TESK2: variants seen among roughly 807,000 people sequenced by gnomAD.
TESK2 encodes dual specificity testis-specific protein kinase 2.
TESK2 carries 39 observed loss-of-function variants against 57.1 expected under a neutral mutation model. That is an observed-to-expected ratio of 0.68 (90% confidence interval 0.53 to 0.89). The LOEUF (loss-of-function observed/expected upper bound fraction) is 0.89, where lower values mean the gene tolerates loss of function less well. Among genes scored for constraint, TESK2 ranks in the 40% least tolerant of loss-of-function variants. TESK2 has a pLI of 0.00. For synonymous variants in TESK2, 249 were observed against 267.9 expected, an observed-to-expected ratio of 0.93 and a Z score of 0.69; for missense variants, 646 against 732.1, an observed-to-expected ratio of 0.88 and a Z score of 1.36.
chr1:45,409,036 A>G (rs560523573), intron 3 of TESK2, among the ~76,000 whole-genome samples: 267 of 152,314 alleles, frequency 1.8e-3, no homozygotes, highest in Non-Finnish European at 3.4e-3. Context: ...ACCCACCTTC[A>G]GTTCCTGAGC....
chr1:45,436,582 C>T (rs902833596), intron 2 of TESK2, among the ~76,000 whole-genome samples: 4 of 144,332 alleles, frequency 2.8e-5, no homozygotes, highest in African/African-American at 2.6e-5. Context: ...CTCCACCTTC[C>T]GGGTTCAAGC....
At chr1:45,379,219 G>A (rs1290360420) in intron 4 of TESK2, among the ~76,000 whole-genome samples, 1 of 152,182 alleles carries the variant, frequency 6.6e-6, no homozygotes, top group Non-Finnish European at 1.5e-5. Flanking sequence ...AGGCTGGGGT[G>A]CAGTGGCAGA....
At chr1:45,392,479 G>A (rs1649186170) in intron 3 of TESK2, among the ~76,000 whole-genome samples, 1 of 152,108 alleles carries the variant, frequency 6.6e-6, no homozygotes, top group Non-Finnish European at 1.5e-5. Context: ...GAAGCTGGCG[G>A]ATCACCTCAG....
chr1:45,434,662 A>T (rs1476146734), intron 2 of TESK2, among the ~76,000 whole-genome samples: 2 of 151,978 alleles, frequency 1.3e-5, no homozygotes, highest in Non-Finnish European at 2.9e-5. Context: ...GCCCATTTTT[A>T]AATGGGATTT....
At chr1:45,356,463 A>G (rs748451067) in intron 4 of TESK2, among the ~76,000 whole-genome samples, 2 of 152,046 alleles carry the variant, frequency 1.3e-5, no homozygotes, top group Non-Finnish European at 2.9e-5. Context: ...CTTAGTCTCT[A>G]CAAAAATAAA....
intron 2 of TESK2, among the ~76,000 whole-genome samples, chr1:45,433,669 T>A (rs1651073406): frequency 6.6e-6 from 1 of 152,190 alleles, no homozygotes; most frequent in Non-Finnish European, 1.5e-5. Context: ...CCACATTTTC[T>A]TTTTCCACTT....
chr1:45,350,409 GCTGTTT>G (rs760032337), intron 5 of TESK2, among the ~76,000 whole-genome samples: 49 of 152,192 alleles, frequency 3.2e-4, no homozygotes, highest in Non-Finnish European at 6.2e-4. Flanking sequence ...TCACTCTAAA[GCTGTTT>G]CTGCAACAAA....
chr1:45,477,841 C>A (rs757910812), intron 1 of TESK2, among the ~76,000 whole-genome samples: 17 of 152,180 alleles, frequency 1.1e-4, no homozygotes, highest in Non-Finnish European at 2.2e-4. Context: ...AATCATTATT[C>A]CCTACACTTA....
Position 45,457,789 on chromosome 1 carries a change from C to CTAT in TESK2, c.-5_-4insATA. 1 of 1,611,406 alleles carries CTAT rather than the reference C, an allele frequency of 6.2e-7. No individual in the cohort carries two copies. The highest frequency in any genetic ancestry group is 8.5e-7 in the Non-Finnish European group (1 of 1,177,834). On this transcript the variant is annotated 5_prime_UTR_variant, in exon 2 of 11. Transcript: ENST00000372086. ...AATTCCGTTTGCTCCGATCCATAGT[C>CTAT]TAAATAATCACTTTTTTCTTCTTTT...
chr1:45,375,777 T>C (rs1318394768), intron 4 of TESK2, among the ~76,000 whole-genome samples: 3 of 152,060 alleles, frequency 2.0e-5, no homozygotes, highest in Non-Finnish European at 4.4e-5. Context: ...AATTAAAACG[T>C]GGGACAGGGA....
chr1:45,441,501 T>C (rs1164615528), intron 2 of TESK2, among the ~76,000 whole-genome samples: 1 of 152,022 alleles, frequency 6.6e-6, no homozygotes, highest in East Asian at 1.9e-4. Flanking sequence ...AGAGACAGAC[T>C]CTTGCTATGT....
chr1:45,346,937 CTA>C, intron 8 of TESK2, 40 bp downstream of exon 8: 1 of 1,601,260 alleles, frequency 6.2e-7, no homozygotes, highest in Non-Finnish European at 8.6e-7. Flanking sequence ...TTGCTTCAAA[CTA>C]GCCCCATCAG....
In TESK2 at chr1:45,357,438, C is replaced by T. The variant is rs77161112; in HGVS notation, c.394-1989G>A. The stretch of plus-strand genomic sequence containing the variant: ...AGCAGTTTCAGTAAAGTGGTTAAGA[C>T]GAGTAAGACTGAAGTGAACAGAGGA... On this transcript the variant is annotated intron_variant, in intron 4 of 10. Coordinates refer to ENST00000372086, the MANE Select transcript of TESK2 (RefSeq NM_007170.3). Among the ~76,000 whole-genome samples the T allele has an allele frequency of 1.0e-3, 151 of 150,714 alleles. 2 individuals are homozygous for T. In the East Asian group the frequency reaches 0.014, roughly 14 times the overall value.
At chr1:45,396,281 A>G (rs892866674) in intron 3 of TESK2, among the ~76,000 whole-genome samples, 1 of 151,710 alleles carries the variant, frequency 6.6e-6, no homozygotes, top group African/African-American at 2.4e-5. Flanking sequence ...TTTTTAGTAG[A>G]GACAGGGTTT....
intron 4 of TESK2, among the ~76,000 whole-genome samples, chr1:45,377,684 G>A (rs1309999043): frequency 6.8e-6 from 1 of 146,890 alleles, no homozygotes; most frequent in African/African-American, 2.5e-5. Context: ...CTCCCAAAGT[G>A]CTGGGATTAC....
intron 2 of TESK2, among the ~76,000 whole-genome samples, chr1:45,455,859 A>C (rs1036504895): frequency 1.3e-5 from 2 of 150,880 alleles, no homozygotes; most frequent in African/African-American, 4.9e-5. Flanking sequence ...GTTTTGGTCC[A>C]AAAAAAAACA....
intron 5 of TESK2, among the ~76,000 whole-genome samples, chr1:45,354,995 C>A (rs9429077): frequency 0.27 from 41,170 of 150,826 alleles, 5,913 homozygotes; most frequent in Admixed American, 0.41. Flanking sequence ...ACCAGCCTGG[C>A]CAATATGGCA....
intron 3 of TESK2, chr1:45,413,888 T>C (rs1324759843): frequency 2.2e-6 from 1 of 455,528 alleles, no homozygotes; most frequent in Admixed American, 2.4e-5. Flanking sequence ...AGAAAGCTTA[T>C]AATGTTTACA....
chr1:45,473,283 G>T (rs1240862959), intron 1 of TESK2, among the ~76,000 whole-genome samples: 5 of 152,120 alleles, frequency 3.3e-5, no homozygotes, highest in Non-Finnish European at 7.3e-5. Flanking sequence ...GTGAAAGCAG[G>T]TAAGTGGTCA....
Sources: gnomAD v4.1 joint callset for allele counts (sites outside exome capture counted in the v4.1 genomes callset) on GRCh38, gnomAD v4.1.1 for gene constraint, MANE v1.5 for transcripts, NCBI Gene and HGNC (gene_info 2026-07-23, HGNC 2026-07-21) for gene names.